The following CEP85L variants were observed in gnomAD, a reference collection of about 807,000 sequenced individuals.
CEP85L encodes centrosomal protein of 85 kDa-like.
A neutral mutation model predicts 100.3 loss-of-function variants in CEP85L; 60 were observed. The ratio of observed to expected loss-of-function variants is 0.60; its 90% CI spans 0.49 to 0.74. The LOEUF is 0.74. CEP85L is among the 30% of genes least tolerant of loss of function. The pLI, the probability that CEP85L is intolerant of heterozygous loss-of-function variation, is 0.00. For synonymous variants in CEP85L, 319 were observed against 322.7 expected (o/e 0.99, Z 0.12); for missense variants, 973 against 936.2 (o/e 1.04, Z -0.51).
chr6:118,510,029 G>A (rs944347960), intron 5 of CEP85L, among the ~76,000 whole-genome samples: 2 of 152,004 alleles, frequency 1.3e-5, no homozygotes, highest in African/African-American at 4.8e-5. Context: ...CTTACCTACA[G>A]TGAATACAAA....
At chr6:118,549,542 G>T (rs1348154596) in intron 3 of CEP85L, among the ~76,000 whole-genome samples, 1 of 151,252 alleles carries the variant, frequency 6.6e-6, no homozygotes, top group Non-Finnish European at 1.5e-5. Context: ...TAATTCTATT[G>T]CTCACTACAA....
chr6:118,618,654 C>T (rs1773235273), intron 2 of CEP85L, among the ~76,000 whole-genome samples: 1 of 152,144 alleles, frequency 6.6e-6, no homozygotes, highest in South Asian at 2.1e-4. Context: ...ACACGGGATA[C>T]TGGTACCACC....
chr6:118,565,756 T>C lies in CEP85L; in HGVS notation c.793A>G (p.Ile265Val), dbSNP rs749577914. 35 of 1,614,096 alleles carry C rather than the reference T, an allele frequency of 2.2e-5. No homozygotes were observed. Among genetic ancestry groups the C allele is most frequent in the Admixed American group, 5.0e-5 (3 of 60,004 alleles). ...TYSALPESKP[I>V]MTSSEAFEPP... ...TCAAAAGCCTCTGAGCTTGTCATAA[T>C]GGGCTTGCTTTCAGGTAAGGCACTA... Residue 265 changes from isoleucine to valine, a missense_variant, in exon 3 of 13, where the codon ATT becomes GTT. Physicochemically the swap from Ile to Val is conservative, Grantham distance 29. Transcript: ENST00000368491.
At chr6:118,469,801 C>T (rs1405915109) in intron 11 of CEP85L, among the ~76,000 whole-genome samples, 1 of 152,108 alleles carries the variant, frequency 6.6e-6, no homozygotes, top group East Asian at 1.9e-4. Context: ...AGGGTTTTGT[C>T]ACATTGCCTA....
rs368381382 is a variant in CEP85L, at chr6:118,571,066, C to A, written c.233-4750G>T. ...ATATATGAACAAAGAATATTTTCCCCCAGTATGAATATCTAGGTGGGAAAA... is the reference window on the plus strand; with the variant it reads ...ATATATGAACAAAGAATATTTTCCCACAGTATGAATATCTAGGTGGGAAAA... On this transcript the variant is annotated intron_variant, in intron 2 of 12. Transcript: ENST00000368491. Among the ~76,000 whole-genome samples, 339 of 151,440 alleles carry A rather than the reference C, an allele frequency of 2.2e-3. 10 individuals carry two copies. The South Asian group carries it at 0.069, about 31-fold the overall frequency.
At chr6:118,596,283 TATCAACC>T (rs1781454920) in intron 2 of CEP85L, among the ~76,000 whole-genome samples, 1 of 152,194 alleles carries the variant, frequency 6.6e-6, no homozygotes, top group African/African-American at 2.4e-5. Flanking sequence ...ATATTATAAA[TATCAACC>T]TATTCCTTAT....
chr6:118,478,379 C>T (rs1471639853), intron 10 of CEP85L, among the ~76,000 whole-genome samples: 3 of 152,112 alleles, frequency 2.0e-5, no homozygotes, highest in Middle Eastern at 6.8e-3. Flanking sequence ...TATTCATCTC[C>T]AGCTTTGCTA....
intron 2 of CEP85L, among the ~76,000 whole-genome samples, chr6:118,568,074 A>G (rs1322879070): frequency 6.6e-6 from 1 of 152,198 alleles, no homozygotes; most frequent in Non-Finnish European, 1.5e-5. Flanking sequence ...TTTTGGAAGT[A>G]AGTCACATGA....
At chr6:118,688,865 T>C (rs1192417159) in intron 1 of CEP85L, among the ~76,000 whole-genome samples, 7 of 152,186 alleles carry the variant, frequency 4.6e-5, no homozygotes, top group Non-Finnish European at 4.4e-5. Context: ...GCCTCTCTTA[T>C]GCCCTAGAGC....
chr6:118,501,529 C>T, intron 5 of CEP85L: 1 of 492,516 alleles, frequency 2.0e-6, no homozygotes. Context: ...TCATTAAACA[C>T]CCAATGGATC....
chr6:118,465,253 T>C lies in CEP85L; in HGVS notation c.*152A>G. 1 of 604,584 alleles carries C rather than the reference T, an allele frequency of 1.7e-6. No homozygotes were observed. Among genetic ancestry groups the C allele is most frequent in the South Asian group, 3.1e-5 (1 of 32,340 alleles). The allele number at this position is 604,584 out of a possible 1,614,324, so 37.5% of individuals were successfully genotyped here. A position where few individuals can be genotyped will look rare whatever the true frequency, so the allele number is the denominator to read the frequency against. ...CCTGATTAGATAAGCCCCTTCAAAA[T>C]CTCTTCACTTCCCTTCTCCCCTTCA... On this transcript the variant is annotated 3_prime_UTR_variant, in exon 13 of 13. Transcript: ENST00000368491.
Position 118,684,873 on chromosome 6 carries a change from A to G in CEP85L, c.-28+25163T>C, listed in dbSNP as rs911307916. Among the ~76,000 whole-genome samples, 16 of 152,116 alleles carry G rather than the reference A, an allele frequency of 1.1e-4. 1 individual carries two copies. The highest frequency in any genetic ancestry group is 3.9e-4 in the African/African-American group (16 of 41,422). ...CACTATGTTGCCCAGGCTGGTCCTG[A>G]ACTGCTGGGCTCAAGTGATCCTCCC... On this transcript the variant is annotated intron_variant, in intron 1 of 13. Transcript: ENST00000368488.
intron 3 of CEP85L, among the ~76,000 whole-genome samples, chr6:118,564,335 G>A (rs1779382454): frequency 6.6e-6 from 1 of 152,138 alleles, no homozygotes; most frequent in Admixed American, 6.5e-5. Flanking sequence ...ACAACTGCCT[G>A]GATCTCTGTT....
chr6:118,529,173 G>A (rs1350265891), intron 3 of CEP85L, among the ~76,000 whole-genome samples: 2 of 152,170 alleles, frequency 1.3e-5, no homozygotes, highest in African/African-American at 4.8e-5. Flanking sequence ...ATCTTACAGA[G>A]AAGTTATTCA....
At chr6:118,682,473 G>A (rs958460955) in intron 1 of CEP85L, among the ~76,000 whole-genome samples, 3 of 151,872 alleles carry the variant, frequency 2.0e-5, no homozygotes, top group Non-Finnish European at 2.9e-5. Context: ...TAGATGCTGC[G>A]ATTCAGAAAC....
intron 1 of CEP85L, among the ~76,000 whole-genome samples, chr6:118,669,825 AG>A (rs925579756): frequency 2.6e-5 from 4 of 151,576 alleles, no homozygotes; most frequent in African/African-American, 9.7e-5. Flanking sequence ...TAGAGAGGAA[AG>A]TTAGAGTTAC....
chr6:118,528,049 C>G (rs1467221166), intron 3 of CEP85L, among the ~76,000 whole-genome samples: 1 of 152,114 alleles, frequency 6.6e-6, no homozygotes, highest in East Asian at 1.9e-4. Context: ...AGCTATATTT[C>G]ACCTTATACA....
chr6:118,489,926 TACACAC>T (rs555720881), intron 6 of CEP85L, among the ~76,000 whole-genome samples: 1 of 151,430 alleles, frequency 6.6e-6, no homozygotes, highest in Non-Finnish European at 1.5e-5. Flanking sequence ...AAATGTTATA[TACACAC>T]ACACACACAT....
intron 1 of CEP85L, among the ~76,000 whole-genome samples, chr6:118,677,246 A>T (rs183346100): frequency 3.9e-5 from 6 of 152,356 alleles, no homozygotes; most frequent in Admixed American, 3.9e-4. Context: ...GATATGAGCC[A>T]GGAGACAGAT....
Sources: gnomAD v4.1 joint callset for allele counts (sites outside exome capture counted in the v4.1 genomes callset) on GRCh38, gnomAD v4.1.1 for gene constraint, MANE v1.5 for transcripts, NCBI Gene and HGNC (gene_info 2026-07-23, HGNC 2026-07-21) for gene names.